CR1: variants seen among roughly 807,000 people sequenced by gnomAD.
The protein encoded by CR1 is complement receptor type 1.
Under a neutral mutation model 187.3 loss-of-function variants are expected in CR1, and 116 were observed. That is an observed-to-expected ratio of 0.62 (90% confidence interval 0.53 to 0.72). The LOEUF (loss-of-function observed/expected upper bound fraction) is 0.72. Ranked by LOEUF, CR1 falls within the 30% of genes least tolerant of loss-of-function variation. CR1 has a pLI of 0.00. For missense variants in CR1, 1,731 were observed against 2,110.7 expected, an observed-to-expected ratio of 0.82 and a Z score of 3.52; for synonymous variants, 576 against 747.1, an observed-to-expected ratio of 0.77 and a Z score of 3.73.
intron 4 of CR1, among the ~76,000 whole-genome samples, chr1:207,520,904 G>T (rs1659955003): frequency 7.4e-6 from 1 of 134,886 alleles, no homozygotes; most frequent in Non-Finnish European, 1.6e-5. Context: ...CAATATTATT[G>T]TGTTGTGTCT....
intron 28 of CR1, among the ~76,000 whole-genome samples, chr1:207,577,265 C>CA (rs58120393): frequency 0.049 from 7,271 of 147,342 alleles, 574 homozygotes; most frequent in East Asian, 0.31. Flanking sequence ...AACAAACAAA[C>CA]AAAAAAAAAA....
chr1:207,572,950 T>C (rs1660623354), intron 27 of CR1, among the ~76,000 whole-genome samples: 1 of 152,004 alleles, frequency 6.6e-6, no homozygotes, highest in South Asian at 2.1e-4. Flanking sequence ...TTTTCCCTTT[T>C]AATAAGGACA....
At chr1:207,628,300 C>T (rs1010857171) in intron 45 of CR1, among the ~76,000 whole-genome samples, 2 of 152,140 alleles carry the variant, frequency 1.3e-5, no homozygotes. Flanking sequence ...GGACTATGAT[C>T]CCCTGTGAGC....
rs767996719 is a variant in CR1, at chr1:207,617,483, G to GTATA, written c.6890-566_6890-563dup. ...GTGCATATGTACCCTAGAACTTAAAGTATATATATATATATATATATATAT... is the reference window on the plus strand; with the variant it reads ...GTGCATATGTACCCTAGAACTTAAAGTATATATATATATATATATATATATATAT... On this transcript the variant is annotated intron_variant, in intron 41 of 46. Coordinates refer to ENST00000367049, the MANE Select transcript of CR1 (RefSeq NM_000651.6). Among the ~76,000 whole-genome samples, 255 of 41,754 alleles carry GTATA rather than the reference G, an allele frequency of 6.1e-3. 13 individuals carry two copies. The highest frequency in any genetic ancestry group is 0.016 in the African/African-American group (212 of 12,850). The allele number at this position is 41,754 out of a possible 152,430, so 27.4% of individuals were successfully genotyped here.
chr1:207,581,386 G>GTATATATACATATGTATATACATATA (rs1660949030), intron 31 of CR1, among the ~76,000 whole-genome samples: 2 of 148,882 alleles, frequency 1.3e-5, no homozygotes, highest in Non-Finnish European at 1.5e-5. Context: ...GTATACATAT[G>GTATATATACATATGTATATACATATA]TATATATACA....
At chr1:207,610,431 C>T (rs1035974351) in intron 37 of CR1, among the ~76,000 whole-genome samples, 4 of 152,082 alleles carry the variant, frequency 2.6e-5, no homozygotes, top group African/African-American at 9.7e-5. Flanking sequence ...CTCCTGGGCT[C>T]AAGTAAGACC....
At position 207,496,228 on chromosome 1, in the gene CR1, C is replaced by A; in HGVS notation, c.-40C>A. ...GAGCTTTTCCTCTTATTTCAGTTTT[C>A]TTCGAGATCAAATCTGGTTTGTAGA... On this transcript the variant is annotated 5_prime_UTR_variant, in exon 1 of 47. Transcript: ENST00000367049. The A allele has an allele frequency of 6.2e-7, 1 of 1,613,534 alleles. No homozygotes were observed. Among genetic ancestry groups the A allele is most frequent in the Non-Finnish European group, 8.5e-7 (1 of 1,179,748 alleles).
At chr1:207,608,771 T>G (rs1451142983) in intron 36 of CR1, among the ~76,000 whole-genome samples, 1 of 152,206 alleles carries the variant, frequency 6.6e-6, no homozygotes, top group Non-Finnish European at 1.5e-5. Flanking sequence ...TGTATATGTG[T>G]GTAGTCACTT....
Position 207,639,636 on chromosome 1 carries a change from G to T in CR1, c.*227G>T, listed in dbSNP as rs138523101. The T allele has an allele frequency of 8.1e-6, 4 of 496,218 alleles. No homozygotes were observed. The East Asian group carries it at 9.4e-5, about 12-fold the overall frequency. 30.7% of individuals were successfully genotyped at this position (496,218 alleles called of 1,614,324 possible). ...CCCACCCTTCTGCCTCGTGCTAAAC[G>T]CACACAGTATCTAGTCAGGGGAAAA... On this transcript the variant is annotated 3_prime_UTR_variant, in exon 47 of 47. Transcript: ENST00000367049.
chr1:207,566,757 A>G (rs183283437), intron 24 of CR1, among the ~76,000 whole-genome samples: 1 of 150,218 alleles, frequency 6.7e-6, no homozygotes, highest in East Asian at 1.9e-4. Flanking sequence ...CTCCTAGTCT[A>G]CCCATGTATA....
chr1:207,588,612 T>G, intron 34 of CR1, 63 bp from the exon 35 acceptor site: 1 of 1,116,224 alleles, frequency 9.0e-7, no homozygotes, highest in Non-Finnish European at 1.3e-6. Context: ...CACACTCCAG[T>G]CTGAACCTTA....
intron 4 of CR1, among the ~76,000 whole-genome samples, chr1:207,518,099 A>G (rs780377062): frequency 2.4e-4 from 36 of 151,840 alleles, no homozygotes; most frequent in Admixed American, 3.3e-4. Context: ...TAACCTATCA[A>G]TTTTTCTCTA....
chr1:207,630,629 T>C lies in CR1; in HGVS notation c.7457+8T>C, dbSNP rs1662612279. 2 of 1,536,838 alleles carry C rather than the reference T, an allele frequency of 1.3e-6. No individual in the cohort carries two copies. The highest frequency in any genetic ancestry group is 1.8e-6 in the Non-Finnish European group (2 of 1,138,510). ...AAATGAAGAAAATAGCAGGTACCTATATACATACTGAATTCAAAATGTTTT... is the reference window on the plus strand; with the variant it reads ...AAATGAAGAAAATAGCAGGTACCTACATACATACTGAATTCAAAATGTTTT... On this transcript the variant is annotated splice_region_variant and intron_variant, in intron 46 of 46. Coordinates refer to ENST00000367049, the MANE Select transcript of CR1 (RefSeq NM_000651.6).
chr1:207,593,270 A>G (rs1385605077), intron 35 of CR1, among the ~76,000 whole-genome samples: 1 of 152,136 alleles, frequency 6.6e-6, no homozygotes, highest in Admixed American at 6.5e-5. Flanking sequence ...ATATAGACCA[A>G]TGGAACAGAA....
chr1:207,573,941 A>G lies in CR1; in HGVS notation c.4452-1654A>G, dbSNP rs879870764. ...GAGCCCAGGAGCTCAAGACCAGCCT[A>G]GACAACATGACAAAAACCCATCTCT... On this transcript the variant is annotated intron_variant, in intron 27 of 46. Coordinates refer to ENST00000367049, the MANE Select transcript of CR1 (RefSeq NM_000651.6). 5.5e-4 allele frequency among the ~76,000 whole-genome samples: 83 copies of G among 152,192 alleles called. 1 individual carries two copies. Among genetic ancestry groups the G allele is most frequent in the East Asian group, 1.4e-3 (7 of 5,172 alleles).
intron 1 of CR1, among the ~76,000 whole-genome samples, chr1:207,504,861 A>T (rs893445315): frequency 1.3e-5 from 2 of 152,148 alleles, no homozygotes; most frequent in African/African-American, 4.8e-5. Flanking sequence ...CTGTTAGGAA[A>T]TGGGCAGAAC....
intron 45 of CR1, among the ~76,000 whole-genome samples, chr1:207,624,668 C>G (rs1662426472): frequency 1.3e-5 from 2 of 152,124 alleles, no homozygotes; most frequent in African/African-American, 2.4e-5. Flanking sequence ...CTAATGTTCT[C>G]TATATTTTAC....
intron 37 of CR1, 104 bp from the exon 38 acceptor site, chr1:207,611,573 C>G: frequency 2.0e-6 from 3 of 1,499,616 alleles, no homozygotes; most frequent in Non-Finnish European, 2.7e-6. Context: ...CTTTTAATAG[C>G]TGCACTCTGC....
intron 35 of CR1, among the ~76,000 whole-genome samples, chr1:207,601,691 T>C (rs560540241): frequency 5.3e-5 from 8 of 152,342 alleles, no homozygotes; most frequent in African/African-American, 1.9e-4. Flanking sequence ...TTTCTTGTGT[T>C]TATTGGCCAT....
Sources: allele counts gnomAD v4.1 joint callset (sites outside exome capture counted in the v4.1 genomes callset), GRCh38; gene constraint gnomAD v4.1.1; transcripts MANE v1.5; gene names NCBI Gene and HGNC (gene_info 2026-07-23, HGNC 2026-07-21).